The following XKR4 variants were observed in gnomAD, a reference collection of about 807,000 sequenced individuals.
XKR4 encodes the protein XK related 4.
XKR4 carries 12 observed loss-of-function variants against 53.9 expected under a neutral mutation model. The ratio of observed to expected loss-of-function variants is 0.22; its 90% CI spans 0.14 to 0.36. The LOEUF (loss-of-function observed/expected upper bound fraction) is 0.36. Ranked by LOEUF, XKR4 falls within the 10% of genes least tolerant of loss-of-function variation. XKR4 has a pLI of 1.00. For missense variants in XKR4, 799 were observed against 859.5 expected (o/e 0.93, Z 0.88); for synonymous variants, 354 against 362.4 (o/e 0.98, Z 0.26).
chr8:55,103,400 G>A lies in XKR4; in HGVS notation c.806+106G>A, dbSNP rs1816087480. ...CAGGGTTGCTTTGGTAGTAACCCTA[G>A]TCACACTCTTCCAGTTTTTTGGGTT... On this transcript the variant is annotated intron_variant, in intron 1 of 2. Coordinates refer to ENST00000327381, the MANE Select transcript of XKR4 (RefSeq NM_052898.2). 2.0e-6 allele frequency: 3 copies of A among 1,480,404 alleles called. No homozygotes were observed. In the South Asian group the frequency reaches 4.3e-5, roughly 21 times the overall value. The allele number at this position is 1,480,404 out of a possible 1,614,324, so 91.7% of individuals were successfully genotyped here.
At chr8:55,422,574 T>C (rs1411508193) in intron 2 of XKR4, among the ~76,000 whole-genome samples, 2 of 152,190 alleles carry the variant, frequency 1.3e-5, no homozygotes, top group Admixed American at 6.5e-5. Flanking sequence ...CAGCAAGTAG[T>C]CTACATCGAA....
intron 1 of XKR4, among the ~76,000 whole-genome samples, chr8:55,126,161 AG>A (rs1227180507): frequency 6.6e-6 from 1 of 152,236 alleles, no homozygotes; most frequent in African/African-American, 2.4e-5. Flanking sequence ...AAGAAAAAAA[AG>A]TTTCAGCCCT....
At chr8:55,269,310 G>A (rs1818655365) in intron 1 of XKR4, among the ~76,000 whole-genome samples, 1 of 151,806 alleles carries the variant, frequency 6.6e-6, no homozygotes, top group African/African-American at 2.4e-5. Context: ...TGAGGAGTTA[G>A]CTTGTGGAAT....
intron 2 of XKR4, among the ~76,000 whole-genome samples, chr8:55,485,334 A>T (rs1003197947): frequency 2.6e-5 from 4 of 152,228 alleles, no homozygotes; most frequent in African/African-American, 9.6e-5. Flanking sequence ...GTTTGCAGAC[A>T]GCATGCTTAT....
chr8:55,399,739 C>T (rs1056277161), intron 2 of XKR4, among the ~76,000 whole-genome samples: 2 of 152,200 alleles, frequency 1.3e-5, no homozygotes, highest in Non-Finnish European at 2.9e-5. Flanking sequence ...AGACCGAAGG[C>T]TTTGTCTGAT....
intron 1 of XKR4, among the ~76,000 whole-genome samples, chr8:55,172,622 C>G (rs1252506603): frequency 6.6e-6 from 1 of 152,036 alleles, no homozygotes; most frequent in Admixed American, 6.6e-5. Context: ...AGGTGGATAG[C>G]CAAATTGAAA....
chr8:55,294,686 CT>C (rs1337589339), intron 1 of XKR4, among the ~76,000 whole-genome samples: 3 of 152,202 alleles, frequency 2.0e-5, no homozygotes, highest in Non-Finnish European at 4.4e-5. Flanking sequence ...CCTGTTCCAT[CT>C]TTTTATCCAG....
intron 1 of XKR4, among the ~76,000 whole-genome samples, chr8:55,190,475 A>T (rs16921357): frequency 0.099 from 15,030 of 152,232 alleles, 1,960 homozygotes; most frequent in African/African-American, 0.29. Context: ...TTCCCTCACT[A>T]GACCCAGCCA....
chr8:55,510,418 G>T (rs537474784), intron 2 of XKR4, among the ~76,000 whole-genome samples: 1 of 152,286 alleles, frequency 6.6e-6, no homozygotes, highest in South Asian at 2.1e-4. Context: ...TTCAGCTGGG[G>T]AGATATTTGA....
At chr8:55,204,010 T>C (rs1817610445) in intron 1 of XKR4, among the ~76,000 whole-genome samples, 1 of 152,104 alleles carries the variant, frequency 6.6e-6, no homozygotes, top group Admixed American at 6.6e-5. Context: ...TTGCTTTTTG[T>C]TTTTTGTTTG....
chr8:55,460,613 G>T (rs2129397773), intron 2 of XKR4, among the ~76,000 whole-genome samples: 1 of 152,300 alleles, frequency 6.6e-6, no homozygotes, highest in East Asian at 1.9e-4. Context: ...CATCTCACTA[G>T]GGAGTGCCAG....
chr8:55,368,184 C>A (rs1344991709), intron 2 of XKR4, among the ~76,000 whole-genome samples: 2 of 152,136 alleles, frequency 1.3e-5, no homozygotes, highest in Non-Finnish European at 2.9e-5. Flanking sequence ...TGGTCTTGAA[C>A]TCCCGACCTC....
chr8:55,120,497 G>T (rs541222046), intron 1 of XKR4, among the ~76,000 whole-genome samples: 1 of 126,994 alleles, frequency 7.9e-6, no homozygotes, highest in African/African-American at 2.5e-5. Flanking sequence ...GTTAGAAACT[G>T]CTCAGTAAAT....
intron 1 of XKR4, among the ~76,000 whole-genome samples, chr8:55,230,264 T>C (rs2129366772): frequency 6.6e-6 from 1 of 151,720 alleles, no homozygotes; most frequent in Admixed American, 6.6e-5. Context: ...AAATCAAAAC[T>C]AGAAAAAACT....
At chr8:55,302,733 T>G (rs1237039136) in intron 1 of XKR4, among the ~76,000 whole-genome samples, 1 of 152,210 alleles carries the variant, frequency 6.6e-6, no homozygotes, top group East Asian at 1.9e-4. Flanking sequence ...GTTGGATTCC[T>G]AGGTATTTTA....
chr8:55,365,088 G>A (rs764697084), intron 2 of XKR4, among the ~76,000 whole-genome samples: 1 of 152,184 alleles, frequency 6.6e-6, no homozygotes, highest in Non-Finnish European at 1.5e-5. Flanking sequence ...TTGAAAACTT[G>A]GGTAGGACCA....
intron 1 of XKR4, among the ~76,000 whole-genome samples, chr8:55,271,983 A>T (rs1818697503): frequency 6.6e-6 from 1 of 152,218 alleles, no homozygotes; most frequent in Non-Finnish European, 1.5e-5. Context: ...TATATGGTCT[A>T]GCCTTGTCCA....
chr8:55,207,284 CT>C (rs560910709), intron 1 of XKR4, among the ~76,000 whole-genome samples: 1 of 152,208 alleles, frequency 6.6e-6, no homozygotes, highest in Non-Finnish European at 1.5e-5. Flanking sequence ...CCCAACACCC[CT>C]GTTCCTCCCA....
At chr8:55,257,013 G>A (rs1818447235) in intron 1 of XKR4, among the ~76,000 whole-genome samples, 1 of 152,084 alleles carries the variant, frequency 6.6e-6, no homozygotes, top group Admixed American at 6.6e-5. Flanking sequence ...CTTTTGTAAG[G>A]GTACTGATCC....
Sources: allele counts gnomAD v4.1 joint callset (sites outside exome capture counted in the v4.1 genomes callset), GRCh38; gene constraint gnomAD v4.1.1; transcripts MANE v1.5; gene names NCBI Gene and HGNC (gene_info 2026-07-23, HGNC 2026-07-21).